The following THSD7B variants were observed in gnomAD, a reference collection of about 807,000 sequenced individuals.
THSD7B encodes the protein thrombospondin type-1 domain-containing protein 7B.
A neutral mutation model predicts 213.6 loss-of-function variants in THSD7B; 138 were observed. The ratio of observed to expected loss-of-function variants is 0.65; its 90% CI spans 0.56 to 0.74. The LOEUF (loss-of-function observed/expected upper bound fraction) is 0.74, where lower values mean the gene tolerates loss of function less well. THSD7B is among the 30% of genes least tolerant of loss of function. The pLI is 0.00. For missense variants in THSD7B, 1,931 were observed against 1,991.5 expected (o/e 0.97, Z 0.58); for synonymous variants, 742 against 687.0 (o/e 1.08, Z -1.25).
At chr2:137,464,874 G>A (rs1687961741) in intron 15 of THSD7B, among the ~76,000 whole-genome samples, 1 of 152,086 alleles carries the variant, frequency 6.6e-6, no homozygotes, top group Non-Finnish European at 1.5e-5. Context: ...TGGTCGATTA[G>A]ATATGTATGT....
At chr2:137,489,279 GC>G in intron 15 of THSD7B, among the ~76,000 whole-genome samples, 1 of 151,950 alleles carries the variant, frequency 6.6e-6, no homozygotes, top group East Asian at 1.9e-4. Context: ...CAAAAAATTA[GC>G]CGGGCGTGGT....
intron 17 of THSD7B, among the ~76,000 whole-genome samples, chr2:137,575,743 T>TATATATATATATATATATATA (rs1558845591): frequency 2.1e-5 from 3 of 143,810 alleles, no homozygotes; most frequent in East Asian, 2.1e-4. Flanking sequence ...TATATATATA[T>TATATATATATATATATATATA]TTTTACTTTA....
chr2:136,791,046 G>T (rs953577125), intron 1 of THSD7B, among the ~76,000 whole-genome samples: 3 of 152,052 alleles, frequency 2.0e-5, no homozygotes, highest in Non-Finnish European at 2.9e-5. Flanking sequence ...GTCTCAAGAA[G>T]ACATTGCATC....
intron 2 of THSD7B, among the ~76,000 whole-genome samples, chr2:136,995,539 AAAG>A (rs1196399918): frequency 6.6e-6 from 1 of 152,130 alleles, no homozygotes; most frequent in African/African-American, 2.4e-5. Flanking sequence ...TGAGTAGTAA[AAAG>A]AACTAAATTG....
intron 12 of THSD7B, among the ~76,000 whole-genome samples, chr2:137,360,569 G>A (rs372573151): frequency 1.3e-5 from 2 of 152,168 alleles, no homozygotes; most frequent in Non-Finnish European, 2.9e-5. Context: ...TATATCCCTT[G>A]CCTGGCTCAG....
At chr2:136,771,262 T>A (rs1681500074) in intron 1 of THSD7B, among the ~76,000 whole-genome samples, 1 of 152,174 alleles carries the variant, frequency 6.6e-6, no homozygotes, top group Admixed American at 6.5e-5. Context: ...TGGAATATCT[T>A]CTGGCCAATC....
intron 2 of THSD7B, among the ~76,000 whole-genome samples, chr2:136,901,820 G>A (rs1387514464): frequency 2.6e-5 from 4 of 152,192 alleles, no homozygotes; most frequent in Admixed American, 2.0e-4. Flanking sequence ...TAAAGCCAGC[G>A]ATGCATTAAA....
intron 5 of THSD7B, among the ~76,000 whole-genome samples, chr2:137,121,468 T>C (rs1042370437): frequency 6.6e-6 from 1 of 152,200 alleles, no homozygotes; most frequent in African/African-American, 2.4e-5. Context: ...AAACTGAAAA[T>C]TCACTAATGT....
chr2:137,506,431 T>C (rs987963066), intron 15 of THSD7B, among the ~76,000 whole-genome samples: 9 of 152,224 alleles, frequency 5.9e-5, no homozygotes, highest in African/African-American at 1.9e-4. Context: ...GAATAAAAAC[T>C]GATTCTAATT....
intron 12 of THSD7B, among the ~76,000 whole-genome samples, chr2:137,281,597 C>A (rs1260181814): frequency 6.8e-6 from 1 of 146,348 alleles, no homozygotes; most frequent in Non-Finnish European, 1.5e-5. Flanking sequence ...TGTTCCCCTT[C>A]TTGTGTCCAT....
At chr2:137,547,147 C>G (rs538581560) in intron 15 of THSD7B, among the ~76,000 whole-genome samples, 1 of 152,154 alleles carries the variant, frequency 6.6e-6, no homozygotes, top group East Asian at 1.9e-4. Context: ...AATTTATCAC[C>G]ATGTAAGTGA....
chr2:136,906,935 G>GATTTT (rs1684171944), intron 2 of THSD7B, among the ~76,000 whole-genome samples: 1 of 67,432 alleles, frequency 1.5e-5, no homozygotes, highest in Non-Finnish European at 3.4e-5. Context: ...TACATTTCAA[G>GATTTT]GTTTTTTTTT....
chr2:137,041,637 TATATA>T (rs1475816051), intron 2 of THSD7B, among the ~76,000 whole-genome samples: 36 of 149,250 alleles, frequency 2.4e-4, no homozygotes, highest in African/African-American at 8.6e-4. Context: ...TATGCAATAT[TATATA>T]ATATGTATTT....
At chr2:137,146,173 A>G (rs1177703172) in intron 5 of THSD7B, among the ~76,000 whole-genome samples, 1 of 152,266 alleles carries the variant, frequency 6.6e-6, no homozygotes, top group East Asian at 1.9e-4. Flanking sequence ...CTAGAATGCT[A>G]CCAGAAAATA....
At chr2:136,808,444 G>C (rs1008808733) in intron 1 of THSD7B, among the ~76,000 whole-genome samples, 1 of 152,186 alleles carries the variant, frequency 6.6e-6, no homozygotes, top group Non-Finnish European at 1.5e-5. Flanking sequence ...CTGTTGAATA[G>C]ATGCATTACA....
chr2:136,793,300 C>T (rs2558092), intron 1 of THSD7B, among the ~76,000 whole-genome samples: 99,460 of 151,764 alleles, frequency 0.66, 32,731 homozygotes, highest in East Asian at 0.8. Flanking sequence ...GGTATCTCAT[C>T]TTGGTTTTAA....
intron 2 of THSD7B, among the ~76,000 whole-genome samples, chr2:137,016,488 C>T (rs1458120864): frequency 6.6e-6 from 1 of 152,118 alleles, no homozygotes. Context: ...CAAACGCTGC[C>T]ATCTTACTGT....
chr2:136,984,007 T>C (rs1685629771), intron 2 of THSD7B, among the ~76,000 whole-genome samples: 1 of 152,146 alleles, frequency 6.6e-6, no homozygotes, highest in African/African-American at 2.4e-5. Context: ...GCTTTTAAGA[T>C]AGTAACTCTC....
At chr2:137,353,917 G>A (rs1685068387) in intron 12 of THSD7B, among the ~76,000 whole-genome samples, 1 of 152,012 alleles carries the variant, frequency 6.6e-6, no homozygotes, top group Non-Finnish European at 1.5e-5. Context: ...ACACATTTAA[G>A]TCAATCTTTG....
Sources: allele counts gnomAD v4.1 joint callset (sites outside exome capture counted in the v4.1 genomes callset), GRCh38; gene constraint gnomAD v4.1.1; transcripts MANE v1.5; gene names NCBI Gene and HGNC (gene_info 2026-07-23, HGNC 2026-07-21).